Variants in ZBTB7C observed in about 807,000 individuals in gnomAD.
The protein encoded by ZBTB7C is zinc finger and BTB domain containing 7C, also known as zinc finger and BTB domain-containing protein 7C.
In ZBTB7C, 8 loss-of-function variants were observed where a neutral mutation model predicts 25.7. The ratio of observed to expected loss-of-function variants is 0.31; its 90% confidence interval spans 0.18 to 0.56. ZBTB7C has a LOEUF of 0.56. ZBTB7C is among the 20% of genes least tolerant of loss of function. ZBTB7C has a pLI of 0.91. For missense variants in ZBTB7C, 824 were observed against 855.2 expected (o/e 0.96, Z 0.46); for synonymous variants, 394 against 369.0 (o/e 1.07, Z -0.78).
Position 48,245,092 on chromosome 18 carries a change from G to GTATATATATA in ZBTB7C, c.-78-59107_-78-59098dup, listed in dbSNP as rs1397704476. On this transcript the variant is annotated intron_variant, in intron 2 of 4. Coordinates refer to ENST00000590800, the MANE Select transcript of ZBTB7C (RefSeq NM_001318841.2). ...GGAAAAAAAAGTAGTGTGTGTGTGT[G>GTATATATATA]TATATATATATACACACACACACAC... Among the ~76,000 whole-genome samples the GTATATATATA allele has an allele frequency of 1.7e-4, 21 of 126,330 alleles. No homozygotes were observed. In the East Asian group the frequency reaches 1.9e-3, roughly 12 times the overall value. The allele number at this position is 126,330 out of a possible 152,430, so 82.9% of individuals were successfully genotyped here. A position where few individuals can be genotyped will look rare whatever the true frequency, so the allele number is the denominator to read the frequency against.
At chr18:48,185,306 C>G (rs866682412) in intron 3 of ZBTB7C, 2 of 448,050 alleles carry the variant, frequency 4.5e-6, no homozygotes, top group Non-Finnish European at 8.9e-6. Flanking sequence ...CCATGCCAGC[C>G]AGAGCTGGTG....
In ZBTB7C at chr18:48,029,557, T is replaced by C; in HGVS notation, c.1563A>G (p.Ala521=). The C allele has an allele frequency of 6.5e-7, 1 of 1,532,238 alleles. No individual in the cohort carries two copies. The highest frequency in any genetic ancestry group is 8.7e-7 in the Non-Finnish European group (1 of 1,153,294). The allele number at this position is 1,532,238 out of a possible 1,614,324, so 94.9% of individuals were successfully genotyped here. The part of the protein sequence containing the change: ...LGEVGGHLGG[A]AVCLPGPSPA... ...GGCTGGGGCCCGGGAGGCACACAGC[T>C]GCGCCGCCCAGGTGGCCGCCCACCT... The change falls in exon 5 of 5, where the codon GCA becomes GCG. Residue 521 remains alanine, a synonymous_variant. Coordinates refer to ENST00000590800, the MANE Select transcript of ZBTB7C (RefSeq NM_001318841.2).
At chr18:48,031,835 C>T (rs577793847) in intron 4 of ZBTB7C, among the ~76,000 whole-genome samples, 36 of 152,328 alleles carry the variant, frequency 2.4e-4, no homozygotes, top group African/African-American at 4.1e-4. Flanking sequence ...ATGGCAGGCC[C>T]GGGAGTCAAG....
At chr18:48,192,906 A>G (rs1315226076) in intron 2 of ZBTB7C, among the ~76,000 whole-genome samples, 1 of 152,208 alleles carries the variant, frequency 6.6e-6, no homozygotes, top group Non-Finnish European at 1.5e-5. Flanking sequence ...GACTCTCTGT[A>G]CTTTCTGCTT....
intron 1 of ZBTB7C, among the ~76,000 whole-genome samples, chr18:48,346,154 G>C (rs1048687713): frequency 6.6e-6 from 1 of 152,084 alleles, no homozygotes; most frequent in African/African-American, 2.4e-5. Context: ...TCAAACTCCT[G>C]ACCTCAAGTG....
chr18:48,128,685 T>C (rs527889579), intron 3 of ZBTB7C, among the ~76,000 whole-genome samples: 8 of 151,482 alleles, frequency 5.3e-5, no homozygotes, highest in African/African-American at 9.7e-5. Flanking sequence ...AGTGGTATAA[T>C]GGACACTGGA....
chr18:48,081,891 G>A (rs1457404821), intron 3 of ZBTB7C, among the ~76,000 whole-genome samples: 7 of 152,058 alleles, frequency 4.6e-5, no homozygotes, highest in Non-Finnish European at 8.8e-5. Flanking sequence ...GATAGATATA[G>A]CATTAATAAT....
At chr18:48,389,232 CTCTCGTGT>C (rs1225521366) in intron 1 of ZBTB7C, among the ~76,000 whole-genome samples, 296 of 61,632 alleles carry the variant, frequency 4.8e-3, no homozygotes, top group Admixed American at 0.012. Context: ...CTCTCTCTCT[CTCTCGTGT>C]GTGTGTGTGT....
intron 3 of ZBTB7C, among the ~76,000 whole-genome samples, chr18:48,143,044 C>T (rs2040396517): frequency 6.6e-6 from 1 of 152,094 alleles, no homozygotes; most frequent in South Asian, 2.1e-4. Flanking sequence ...TAAACATCTA[C>T]CATGAACTCA....
At chr18:48,082,877 G>C (rs1270044188) in intron 3 of ZBTB7C, among the ~76,000 whole-genome samples, 1 of 152,192 alleles carries the variant, frequency 6.6e-6, no homozygotes, top group Non-Finnish European at 1.5e-5. Flanking sequence ...GTGGGAAACT[G>C]CTGGGTGAAT....
At chr18:48,136,194 G>T (rs540641876) in intron 3 of ZBTB7C, among the ~76,000 whole-genome samples, 81 of 152,312 alleles carry the variant, frequency 5.3e-4, no homozygotes, top group Non-Finnish European at 1.0e-3. Context: ...GCTCCAGTGG[G>T]TGACGCCGGC....
At chr18:48,110,995 ACT>A (rs1476351708) in intron 3 of ZBTB7C, among the ~76,000 whole-genome samples, 1 of 152,014 alleles carries the variant, frequency 6.6e-6, no homozygotes, top group Non-Finnish European at 1.5e-5. Flanking sequence ...TCATATGATA[ACT>A]CTCTAACAAA....
intron 3 of ZBTB7C, among the ~76,000 whole-genome samples, chr18:48,129,874 A>G (rs773958296): frequency 1.5e-4 from 23 of 152,204 alleles, no homozygotes; most frequent in Non-Finnish European, 2.8e-4. Context: ...GTGGAAGCCA[A>G]GGTCTGGAGT....
intron 3 of ZBTB7C, among the ~76,000 whole-genome samples, chr18:48,043,500 C>T (rs1323027838): frequency 6.6e-6 from 1 of 152,098 alleles, no homozygotes; most frequent in Non-Finnish European, 1.5e-5. Context: ...TTAGATATTG[C>T]ATGATTCCAT....
At chr18:48,168,362 T>C (rs1274913048) in intron 3 of ZBTB7C, among the ~76,000 whole-genome samples, 2 of 152,160 alleles carry the variant, frequency 1.3e-5, no homozygotes, top group African/African-American at 2.4e-5. Context: ...TTTCTAAACA[T>C]GAAACAAACC....
intron 3 of ZBTB7C, among the ~76,000 whole-genome samples, chr18:48,183,237 G>A (rs1227074276): frequency 6.6e-6 from 1 of 152,132 alleles, no homozygotes; most frequent in East Asian, 1.9e-4. Context: ...CCAAGAAGGT[G>A]GCACCTTTCT....
intron 2 of ZBTB7C, among the ~76,000 whole-genome samples, chr18:48,310,954 C>G (rs886130271): frequency 2.0e-5 from 3 of 152,192 alleles, no homozygotes; most frequent in African/African-American, 7.2e-5. Flanking sequence ...CAGATGTGTG[C>G]ACATCTTTTC....
At chr18:48,247,609 A>T (rs1447803964) in intron 2 of ZBTB7C, among the ~76,000 whole-genome samples, 1 of 152,140 alleles carries the variant, frequency 6.6e-6, no homozygotes, top group Non-Finnish European at 1.5e-5. Context: ...GCTTCACTCC[A>T]AACACATGGC....
chr18:48,138,244 C>G (rs4078130), intron 3 of ZBTB7C, among the ~76,000 whole-genome samples: 5 of 152,060 alleles, frequency 3.3e-5, no homozygotes, highest in Non-Finnish European at 7.4e-5. Flanking sequence ...CCATGAAGGT[C>G]CAGGGATGAG....
Sources: allele counts gnomAD v4.1 joint callset (sites outside exome capture counted in the v4.1 genomes callset), GRCh38; gene constraint gnomAD v4.1.1; transcripts MANE v1.5; gene names NCBI Gene and HGNC (gene_info 2026-07-23, HGNC 2026-07-21).